The following RPAP2 variants were observed in gnomAD, a reference collection of about 807,000 sequenced individuals.
RPAP2 encodes putative RNA polymerase II subunit B1 CTD phosphatase RPAP2.
RPAP2 carries 52 observed loss-of-function variants against 73.1 expected under a neutral mutation model. That is an observed-to-expected ratio of 0.71 (90% CI 0.57 to 0.90). The LOEUF is 0.90. Ranked by LOEUF, RPAP2 falls within the 40% of genes least tolerant of loss-of-function variation. The pLI is 0.00. For synonymous variants in RPAP2, 225 were observed against 242.1 expected, an observed-to-expected ratio of 0.93 and a Z score of 0.65; for missense variants, 598 against 701.8, an observed-to-expected ratio of 0.85 and a Z score of 1.67.
At position 92,399,208 on chromosome 1, in the gene RPAP2, A is replaced by C. The variant is rs1050625512; in HGVS notation, c.*12197A>C. The C allele has an allele frequency of 6.6e-6, 1 of 152,278 alleles. No homozygotes were observed. The highest frequency in any genetic ancestry group is 6.5e-5 in the Admixed American group (1 of 15,278). 9.4% of individuals were successfully genotyped at this position (152,278 alleles called of 1,614,324 possible). A position where few individuals can be genotyped will look rare whatever the true frequency, so the allele number is the denominator to read the frequency against. Reference sequence around the variant, plus strand: ...ACCTCTGCAGTCATAACCAAAGTGAAGGACAATATTGCATGACTTCAGAAG... The same window carrying C: ...ACCTCTGCAGTCATAACCAAAGTGACGGACAATATTGCATGACTTCAGAAG... On this transcript the variant is annotated 3_prime_UTR_variant, in exon 13 of 13. Transcript: ENST00000610020.
intron 7 of RPAP2, 102 bp downstream of exon 7, chr1:92,320,736 C>G: frequency 1.2e-6 from 1 of 839,058 alleles, no homozygotes. Flanking sequence ...TGTGCTGATG[C>G]ATTATGTAAG....
At chr1:92,349,372 C>A (rs930965964) in intron 11 of RPAP2, among the ~76,000 whole-genome samples, 2 of 152,050 alleles carry the variant, frequency 1.3e-5, no homozygotes, top group African/African-American at 4.8e-5. Context: ...TTTCAGAATT[C>A]CTCATGTGAA....
At chr1:92,380,698 G>T (rs964683757) in intron 11 of RPAP2, 26 bp from the exon 12 acceptor site, 26 of 1,521,496 alleles carry the variant, frequency 1.7e-5, no homozygotes, top group Non-Finnish European at 2.3e-5. Context: ...TCATGGATAT[G>T]CATTTAGTAT....
chr1:92,333,518 A>G (rs758224453), intron 9 of RPAP2, 45 bp downstream of exon 9: 1 of 1,318,632 alleles, frequency 7.6e-7, no homozygotes, highest in South Asian at 1.2e-5. Flanking sequence ...GTTTTAAATT[A>G]ACTTGACATT....
chr1:92,346,539 A>C (rs1470561659), intron 11 of RPAP2, among the ~76,000 whole-genome samples: 1 of 152,100 alleles, frequency 6.6e-6, no homozygotes, highest in African/African-American at 2.4e-5. Flanking sequence ...CATTTTTAGT[A>C]GTCTATTATA....
rs1255537497 is a variant in RPAP2 at position 92,390,537 on chromosome 1, C to T, written c.*3526C>T. 3 of 152,142 alleles carry T rather than the reference C, an allele frequency of 2.0e-5. No homozygotes were observed. 9.4% of individuals were successfully genotyped at this position (152,142 alleles called of 1,614,324 possible). On this transcript the variant is annotated 3_prime_UTR_variant, in exon 13 of 13. Coordinates refer to ENST00000610020, the MANE Select transcript of RPAP2 (RefSeq NM_024813.3). The stretch of plus-strand genomic sequence containing the variant: ...TCATAATGACAGGATCAAATTCCCA[C>T]ATAACAATATTAACCTTAAATGTAA...
At chr1:92,370,526 T>G (rs1307561119) in intron 11 of RPAP2, among the ~76,000 whole-genome samples, 1 of 152,144 alleles carries the variant, frequency 6.6e-6, no homozygotes, top group Non-Finnish European at 1.5e-5. Context: ...ACATTTAGAT[T>G]ATATATGAGA....
rs1054032796 is a variant in RPAP2, at chr1:92,392,682, C to CA, written c.*5674dup. 1.3e-5 allele frequency: 2 copies of CA among 152,190 alleles called. No homozygotes were observed. The highest frequency in any genetic ancestry group is 6.5e-5 in the Admixed American group (1 of 15,278). 9.4% of individuals were successfully genotyped at this position (152,190 alleles called of 1,614,324 possible). On this transcript the variant is annotated 3_prime_UTR_variant, in exon 13 of 13. Transcript: ENST00000610020. ...TCCTTAAGCTGATAAGCAACTTCAG[C>CA]AAAGTCTCAGGATACAAAATCGGTG...
intron 10 of RPAP2, among the ~76,000 whole-genome samples, chr1:92,342,251 G>C (rs1653634433): frequency 6.6e-6 from 1 of 152,196 alleles, no homozygotes; most frequent in African/African-American, 2.4e-5. Flanking sequence ...GGAGGTAAGG[G>C]AGCAAGCTGT....
At chr1:92,311,039 C>A (rs1010728675) in intron 6 of RPAP2, among the ~76,000 whole-genome samples, 1 of 152,138 alleles carries the variant, frequency 6.6e-6, no homozygotes, top group Admixed American at 6.6e-5. Context: ...CAATATTATT[C>A]TTACTACATG....
chr1:92,396,686 G>C lies in RPAP2; in HGVS notation c.*9675G>C, dbSNP rs1656191438. ...ATGGAGTTTCACTCTTGTTGCCCAG[G>C]CTGGAGTGCAATGGCGCGATCTCAG... On this transcript the variant is annotated 3_prime_UTR_variant, in exon 13 of 13. Coordinates refer to ENST00000610020, the MANE Select transcript of RPAP2 (RefSeq NM_024813.3). 1 of 152,412 alleles carries C rather than the reference G, an allele frequency of 6.6e-6. No individual in the cohort carries two copies. Among genetic ancestry groups the C allele is most frequent in the Non-Finnish European group, 1.5e-5 (1 of 68,682 alleles). The allele number at this position is 152,412 out of a possible 1,614,324, so 9.4% of individuals were successfully genotyped here. A position where few individuals can be genotyped will look rare whatever the true frequency, so the allele number is the denominator to read the frequency against.
chr1:92,389,134 A>T lies in RPAP2; in HGVS notation c.*2123A>T, dbSNP rs1655964977. The T allele has an allele frequency of 1.3e-5, 2 of 152,288 alleles. No individual in the cohort carries two copies. Among genetic ancestry groups the T allele is most frequent in the South Asian group, 4.1e-4 (2 of 4,834 alleles). The allele number at this position is 152,288 out of a possible 1,614,324, so 9.4% of individuals were successfully genotyped here. On this transcript the variant is annotated 3_prime_UTR_variant, in exon 13 of 13. Coordinates refer to ENST00000610020, the MANE Select transcript of RPAP2 (RefSeq NM_024813.3). Reference sequence around the variant, plus strand: ...GTAGCCTGACTGGGAGACATCTCCCAGTAGGCGCCGAAAGACACCTCAGAG... The same window carrying T: ...GTAGCCTGACTGGGAGACATCTCCCTGTAGGCGCCGAAAGACACCTCAGAG...
rs576801055 is a variant in RPAP2, at chr1:92,335,069, C to T, written c.1539-1278C>T. 7.9e-5 allele frequency among the ~76,000 whole-genome samples: 12 copies of T among 152,168 alleles called. No homozygotes were observed. In the South Asian group the frequency reaches 1.2e-3, roughly 16 times the overall value. ...GCTGAAGTGGAGGATCGCTTGAGCA[C>T]GAGAGTTTGAGTCTGCAGTGAGCTA... is the stretch of plus-strand genomic sequence containing the variant. On this transcript the variant is annotated intron_variant, in intron 9 of 12. Transcript: ENST00000610020.
At chr1:92,377,329 G>C (rs1334935536) in intron 11 of RPAP2, among the ~76,000 whole-genome samples, 4 of 151,906 alleles carry the variant, frequency 2.6e-5, no homozygotes, top group Non-Finnish European at 5.9e-5. Context: ...GACCATCCTG[G>C]CCAACATGAT....
chr1:92,328,985 T>C (rs1233759326), intron 8 of RPAP2, among the ~76,000 whole-genome samples: 5 of 152,212 alleles, frequency 3.3e-5, no homozygotes, highest in African/African-American at 9.6e-5. Context: ...CAAAGGGTCC[T>C]GTGATGTGAT....
At chr1:92,365,205 C>T (rs1318999929) in intron 11 of RPAP2, among the ~76,000 whole-genome samples, 3 of 152,134 alleles carry the variant, frequency 2.0e-5, no homozygotes, top group East Asian at 1.9e-4. Context: ...CTCATTGGGC[C>T]CTTCTGCTTT....
In RPAP2 at chr1:92,333,429, GA is replaced by G. The variant is rs761755500; in HGVS notation, c.1496del (p.Asn499ThrfsTer12). 4.3e-6 allele frequency: 7 copies of G among 1,613,574 alleles called. No individual in the cohort carries two copies. Among genetic ancestry groups the G allele is most frequent in the Middle Eastern group, 3.3e-4 (2 of 6,080 alleles). ...TTCCACTGATAGACTCAAGTTCCCA[GA>G]ACCAGATTAGAAAACGCATCGTACT... ...TFPLIDSSSQNQIRKRIVLEK... is the reference protein window; with the variant it reads ...TFPLIDSSSQXQIRKRIVLEK... On this transcript the variant is annotated frameshift_variant, in exon 9 of 13. Transcript: ENST00000610020. LOFTEE classifies it high-confidence loss of function.
chr1:92,345,533 G>A (rs1432109497), intron 10 of RPAP2, among the ~76,000 whole-genome samples: 2 of 151,976 alleles, frequency 1.3e-5, no homozygotes, highest in African/African-American at 4.8e-5. Context: ...GAGTATGTTT[G>A]TTGGGGATAT....
At chr1:92,317,376 C>T (rs1315709577) in intron 6 of RPAP2, among the ~76,000 whole-genome samples, 3 of 151,838 alleles carry the variant, frequency 2.0e-5, no homozygotes, top group Non-Finnish European at 4.4e-5. Flanking sequence ...GGCGTAGTGG[C>T]GGGTGCCTGT....
Sources: allele counts gnomAD v4.1 joint callset (sites outside exome capture counted in the v4.1 genomes callset), GRCh38; gene constraint gnomAD v4.1.1; transcripts MANE v1.5; gene names NCBI Gene and HGNC (gene_info 2026-07-23, HGNC 2026-07-21).